Variants in DEPDC1B observed in about 807,000 individuals in gnomAD.
The protein encoded by DEPDC1B is DEP domain containing 1B, also known as DEP domain-containing protein 1B.
DEPDC1B carries 51 observed loss-of-function variants against 66.5 expected under a neutral mutation model. The observed-to-expected ratio is 0.77, with a 90% confidence interval of 0.61 to 0.97. DEPDC1B has a LOEUF of 0.97. Among genes scored for constraint, DEPDC1B ranks in the 50% least tolerant of loss-of-function variants. The probability of loss-of-function intolerance (pLI) is 0.00; values close to 1 mark genes in which losing one functional copy is unlikely to be tolerated. For missense variants in DEPDC1B, 552 were observed against 637.1 expected, an observed-to-expected ratio of 0.87 and a Z score of 1.44; for synonymous variants, 226 against 223.6, an observed-to-expected ratio of 1.01 and a Z score of -0.10.
At position 60,647,494 on chromosome 5, in the gene DEPDC1B, C is replaced by G. The variant is rs767419747; in HGVS notation, c.354G>C (p.Lys118Asn). The change falls in exon 3 of 11, where the codon AAG becomes AAC. Residue 118 changes from lysine to asparagine, a missense_variant. By Grantham distance (94) the Lys-to-Asn change is moderately conservative. Coordinates refer to ENST00000265036, the MANE Select transcript of DEPDC1B (RefSeq NM_018369.3). The part of the protein sequence containing the change: ...PSSPLKPYPK[K>N]PPNQKDVIKF... ...TAATAACATCCTTTTGGTTTGGGGG[C>G]TTCTTTGGATATGGTTTCAGGGGTG... The G allele has an allele frequency of 3.7e-6, 6 of 1,612,174 alleles. No homozygotes were observed. The highest frequency in any genetic ancestry group is 5.1e-6 in the Non-Finnish European group (6 of 1,179,340).
At chr5:60,668,201 G>T (rs1212805015) in intron 2 of DEPDC1B, among the ~76,000 whole-genome samples, 3 of 36,380 alleles carry the variant, frequency 8.2e-5, no homozygotes, top group Admixed American at 3.7e-4. Context: ...ATATAAAATG[G>T]ATATTTTATA....
chr5:60,695,471 G>A (rs1754633375), intron 1 of DEPDC1B, among the ~76,000 whole-genome samples: 1 of 152,144 alleles, frequency 6.6e-6, no homozygotes, highest in African/African-American at 2.4e-5. Flanking sequence ...GACAGCAACA[G>A]GCCATTCATG....
intron 7 of DEPDC1B, among the ~76,000 whole-genome samples, chr5:60,617,352 A>T (rs1752582913): frequency 6.6e-6 from 1 of 152,200 alleles, no homozygotes; most frequent in African/African-American, 2.4e-5. Context: ...CAAATTGGAT[A>T]AAGAGTCAAG....
intron 2 of DEPDC1B, among the ~76,000 whole-genome samples, chr5:60,654,335 T>A (rs1449531444): frequency 1.3e-5 from 2 of 148,634 alleles, no homozygotes; most frequent in African/African-American, 2.5e-5. Context: ...TGATTAGGTA[T>A]ATTCCCTAAG....
At chr5:60,643,092 C>T (rs1327520188) in intron 5 of DEPDC1B, among the ~76,000 whole-genome samples, 1 of 152,092 alleles carries the variant, frequency 6.6e-6, no homozygotes, top group Non-Finnish European at 1.5e-5. Context: ...GGACACAATG[C>T]ACCTTTTTAA....
intron 7 of DEPDC1B, among the ~76,000 whole-genome samples, chr5:60,618,064 G>A (rs959214625): frequency 2.6e-5 from 4 of 152,322 alleles, no homozygotes; most frequent in South Asian, 4.1e-4. Context: ...AATGAAGGCA[G>A]AAATAAAGAT....
At chr5:60,614,577 G>C (rs1752498134) in intron 7 of DEPDC1B, among the ~76,000 whole-genome samples, 1 of 151,998 alleles carries the variant, frequency 6.6e-6, no homozygotes, top group African/African-American at 2.4e-5. Flanking sequence ...TTTATCATAT[G>C]ATAGGAATTT....
intron 2 of DEPDC1B, among the ~76,000 whole-genome samples, chr5:60,685,613 G>A (rs774247903): frequency 9.2e-5 from 14 of 152,148 alleles, no homozygotes; most frequent in Non-Finnish European, 1.6e-4. Flanking sequence ...GACTCATAAA[G>A]CCTCCTGGGA....
intron 7 of DEPDC1B, among the ~76,000 whole-genome samples, chr5:60,637,883 C>T (rs1443737718): frequency 6.6e-6 from 1 of 152,104 alleles, no homozygotes; most frequent in Non-Finnish European, 1.5e-5. Context: ...ATTGCTGATA[C>T]TTTGTTACAA....
rs146368341 is a variant in DEPDC1B at position 60,655,300 on chromosome 5, C to T, written c.315-7767G>A. On this transcript the variant is annotated intron_variant, in intron 2 of 10. Transcript: ENST00000265036. ...TATTTTTTTCTTACCATTTGAATCT[C>T]GCTGCTTGCTATTGGTCTGTTCAGA... Among the ~76,000 whole-genome samples the T allele has an allele frequency of 1.8e-4, 26 of 148,526 alleles. 2 individuals carry two copies. Among genetic ancestry groups the T allele is most frequent in the African/African-American group, 5.6e-4 (22 of 39,270 alleles).
At chr5:60,617,344 A>C (rs1051361582) in intron 7 of DEPDC1B, among the ~76,000 whole-genome samples, 1 of 152,198 alleles carries the variant, frequency 6.6e-6, no homozygotes, top group African/African-American at 2.4e-5. Flanking sequence ...CAAACTGGCA[A>C]ATTGGATAAA....
intron 2 of DEPDC1B, among the ~76,000 whole-genome samples, chr5:60,662,461 C>T (rs544182239): frequency 4.6e-5 from 7 of 152,114 alleles, no homozygotes; most frequent in South Asian, 2.1e-4. Context: ...TTGGCAACCT[C>T]GGTTTTTTAT....
At chr5:60,667,432 T>C (rs1033966345) in intron 2 of DEPDC1B, among the ~76,000 whole-genome samples, 22 of 146,030 alleles carry the variant, frequency 1.5e-4, no homozygotes, top group Admixed American at 2.0e-4. Flanking sequence ...ATTTTACATA[T>C]ATACAAAAAA....
chr5:60,618,728 A>G (rs1165199484), intron 7 of DEPDC1B, among the ~76,000 whole-genome samples: 1 of 152,252 alleles, frequency 6.6e-6, no homozygotes, highest in Non-Finnish European at 1.5e-5. Flanking sequence ...AGCTGGTACC[A>G]TTCCTTCTGA....
intron 9 of DEPDC1B, among the ~76,000 whole-genome samples, chr5:60,600,109 C>T (rs1752174558): frequency 1.3e-5 from 2 of 152,178 alleles, no homozygotes; most frequent in Non-Finnish European, 1.5e-5. Context: ...GGCGCATTCC[C>T]ACATCTGAAG....
intron 2 of DEPDC1B, among the ~76,000 whole-genome samples, chr5:60,664,498 A>C (rs558635094): frequency 2.6e-5 from 4 of 152,360 alleles, no homozygotes; most frequent in African/African-American, 9.6e-5. Flanking sequence ...GCACTTGTGC[A>C]ACTCTTAACC....
intron 1 of DEPDC1B, chr5:60,688,852 C>A: frequency 3.4e-6 from 1 of 297,526 alleles, no homozygotes; most frequent in Non-Finnish European, 6.7e-6. Context: ...AACAGCACAC[C>A]ACACACTGAT....
chr5:60,630,571 CAAAG>C (rs1561366221), intron 7 of DEPDC1B: 1 of 152,254 alleles, frequency 6.6e-6, no homozygotes, highest in Non-Finnish European at 1.5e-5. Flanking sequence ...CAAAACAAAA[CAAAG>C]AAGCAGAAAA....
intron 1 of DEPDC1B, among the ~76,000 whole-genome samples, chr5:60,691,912 C>T (rs995410767): frequency 6.6e-6 from 1 of 151,958 alleles, no homozygotes; most frequent in African/African-American, 2.4e-5. Context: ...TTTACAAGAG[C>T]TAAGTTATGG....
Sources: allele counts gnomAD v4.1 joint callset (sites outside exome capture counted in the v4.1 genomes callset), GRCh38; gene constraint gnomAD v4.1.1; transcripts MANE v1.5; gene names NCBI Gene and HGNC (gene_info 2026-07-23, HGNC 2026-07-21).